Variants in SDK1 observed in about 807,000 individuals in gnomAD.
The protein encoded by SDK1 is sidekick cell adhesion molecule 1, also known as protein sidekick-1.
In SDK1, 157 loss-of-function variants were observed where a neutral mutation model predicts 245.5. The ratio of observed to expected loss-of-function variants is 0.64; its 90% CI spans 0.56 to 0.73. The LOEUF is 0.73. Ranked by LOEUF, SDK1 falls within the 30% of genes least tolerant of loss-of-function variation. SDK1 has a pLI of 0.00. For synonymous variants in SDK1, 1,647 were observed against 1,278.5 expected, an observed-to-expected ratio of 1.29 and a Z score of -6.15; for missense variants, 3,583 against 3,002.3, an observed-to-expected ratio of 1.19 and a Z score of -4.52.
At chr7:3,993,970 A>G (rs1240501720) in intron 14 of SDK1, among the ~76,000 whole-genome samples, 1 of 152,138 alleles carries the variant, frequency 6.6e-6, no homozygotes, top group South Asian at 2.1e-4. Flanking sequence ...CCTTGTTCCC[A>G]GGACTTGGCT....
intron 13 of SDK1, among the ~76,000 whole-genome samples, chr7:3,986,657 A>G (rs377483457): frequency 4.8e-4 from 73 of 152,254 alleles, no homozygotes; most frequent in East Asian, 7.7e-4. Context: ...TCAGGAGTTC[A>G]AGACCAACCT....
At chr7:3,925,315 GAGGAGAAGCTGCGTAGA>G (rs1779730626) in intron 5 of SDK1, among the ~76,000 whole-genome samples, 1 of 152,210 alleles carries the variant, frequency 6.6e-6, no homozygotes, top group South Asian at 2.1e-4. Flanking sequence ...AAGAAGCGAG[GAGGAGAAGCTGCGTAGA>G]AGCCCTGCCC....
chr7:4,099,061 G>C (rs1485184459), intron 22 of SDK1, among the ~76,000 whole-genome samples: 2 of 151,866 alleles, frequency 1.3e-5, no homozygotes, highest in African/African-American at 4.8e-5. Context: ...AAGCAAATGA[G>C]TGAGCAGGGT....
chr7:3,920,740 G>A (rs1249245899), intron 5 of SDK1, among the ~76,000 whole-genome samples: 1 of 150,690 alleles, frequency 6.6e-6, no homozygotes, highest in African/African-American at 2.5e-5. Flanking sequence ...CCAGGGTAAA[G>A]GGAGACTATG....
At chr7:3,478,096 C>G (rs1157524044) in intron 1 of SDK1, among the ~76,000 whole-genome samples, 1 of 152,096 alleles carries the variant, frequency 6.6e-6, no homozygotes, top group Non-Finnish European at 1.5e-5. Flanking sequence ...CTTTAAATCA[C>G]TGTATCAGTA....
intron 1 of SDK1, among the ~76,000 whole-genome samples, chr7:3,369,184 A>G (rs1391130087): frequency 6.6e-6 from 1 of 152,040 alleles, no homozygotes; most frequent in Non-Finnish European, 1.5e-5. Flanking sequence ...AGCTGGGATT[A>G]CAGGTGTGTG....
intron 17 of SDK1, among the ~76,000 whole-genome samples, chr7:4,028,808 G>T (rs1787563376): frequency 6.6e-6 from 1 of 152,152 alleles, no homozygotes. Flanking sequence ...ACTTGGGATG[G>T]GGTTCATCTC....
Position 4,265,333 on chromosome 7 carries a change from C to G in SDK1, c.6591C>G (p.Pro2197=), listed in dbSNP as rs561562740. Reference sequence around the variant, plus strand: ...AGAGCGCGGGCGGCGTCTACACCCCCGCTGGCCCCGGCGCGCGAACTCCGC... The same window carrying G: ...AGAGCGCGGGCGGCGTCTACACCCCGGCTGGCCCCGGCGCGCGAACTCCGC... The part of the protein sequence containing the change: ...TTQSAGGVYT[P]AGPGARTPLT... Residue 2197 remains proline, a synonymous_variant, in exon 45 of 45, where the codon CCC becomes CCG. Transcript: ENST00000404826. 6.1e-6 allele frequency: 9 copies of G among 1,479,614 alleles called. No individual in the cohort carries two copies. The highest frequency in any genetic ancestry group is 8.0e-6 in the Non-Finnish European group (9 of 1,128,894). 91.7% of individuals were successfully genotyped at this position (1,479,614 alleles called of 1,614,324 possible). A position where few individuals can be genotyped will look rare whatever the true frequency, so the allele number is the denominator to read the frequency against.
At chr7:3,541,415 A>G (rs979643040) in intron 1 of SDK1, among the ~76,000 whole-genome samples, 47 of 152,172 alleles carry the variant, frequency 3.1e-4, no homozygotes, top group African/African-American at 9.2e-4. Context: ...CCATGCCTCT[A>G]TGCCTTTCTC....
chr7:3,795,764 T>C (rs539217897), intron 4 of SDK1, among the ~76,000 whole-genome samples: 3 of 152,324 alleles, frequency 2.0e-5, no homozygotes, highest in East Asian at 3.9e-4. Context: ...TCCCATATTA[T>C]ACAGTTATAC....
Position 4,125,889 on chromosome 7 carries a change from C to G in SDK1, c.3824-1492C>G, listed in dbSNP as rs571007679. 1.4e-4 allele frequency among the ~76,000 whole-genome samples: 21 copies of G among 152,304 alleles called. No individual in the cohort carries two copies. The South Asian group carries it at 3.9e-3, about 29-fold the overall frequency. ...GCTTAGCCTTTCACAAGTGGGACAA[C>G]TGAGGCACAGGTGATCAGAGCAGCA... On this transcript the variant is annotated intron_variant, in intron 25 of 44. Transcript: ENST00000404826.
rs200034994 is a variant in SDK1, at chr7:3,687,056, A to AACACACACACACACACACACACACACAC, written c.713+44968_713+44995dup. ...CCAAACTGGGTTGGGATAGCATCAAAACACACACACACACACACACACACA... is the reference window on the plus strand; with the variant it reads ...CCAAACTGGGTTGGGATAGCATCAAAACACACACACACACACACACACACACACACACACACACACACACACACACACA... On this transcript the variant is annotated intron_variant, in intron 4 of 44. Coordinates refer to ENST00000404826, the MANE Select transcript of SDK1 (RefSeq NM_152744.4). Among the ~76,000 whole-genome samples the AACACACACACACACACACACACACACAC allele has an allele frequency of 3.1e-3, 415 of 135,194 alleles. 7 individuals are homozygous for AACACACACACACACACACACACACACAC. Among genetic ancestry groups the AACACACACACACACACACACACACACAC allele is most frequent in the African/African-American group, 0.01 (355 of 34,034 alleles). The allele number at this position is 135,194 out of a possible 152,430, so 88.7% of individuals were successfully genotyped here.
At chr7:3,717,355 T>A in intron 4 of SDK1, among the ~76,000 whole-genome samples, 1 of 152,078 alleles carries the variant, frequency 6.6e-6, no homozygotes, top group Non-Finnish European at 1.5e-5. Flanking sequence ...TCAAAGAAAG[T>A]ATCTTAAAGG....
intron 4 of SDK1, among the ~76,000 whole-genome samples, chr7:3,694,936 G>C (rs954926578): frequency 2.0e-5 from 3 of 152,156 alleles, no homozygotes; most frequent in African/African-American, 7.2e-5. Context: ...TTTCTGTTCT[G>C]TAGAATTTCT....
intron 1 of SDK1, among the ~76,000 whole-genome samples, chr7:3,595,788 A>T (rs57473088): frequency 7.9e-6 from 1 of 126,864 alleles, no homozygotes; most frequent in African/African-American, 3.0e-5. Flanking sequence ...AGATAGTGCC[A>T]CTGCACTCCA....
chr7:3,881,084 T>G (rs1480489485), intron 5 of SDK1, among the ~76,000 whole-genome samples: 1 of 152,128 alleles, frequency 6.6e-6, no homozygotes, highest in Non-Finnish European at 1.5e-5. Flanking sequence ...TTTTTAATCT[T>G]TATTTTTCAT....
chr7:3,543,700 A>C (rs1779122118), intron 1 of SDK1, among the ~76,000 whole-genome samples: 2 of 152,356 alleles, frequency 1.3e-5, no homozygotes, highest in South Asian at 4.1e-4. Flanking sequence ...ACGTACTCAT[A>C]GACACAGGCA....
At chr7:3,368,656 T>G (rs925592910) in intron 1 of SDK1, among the ~76,000 whole-genome samples, 11 of 152,170 alleles carry the variant, frequency 7.2e-5, no homozygotes, top group Admixed American at 1.3e-4. Context: ...CCTGGGGATC[T>G]TTATGTGCCC....
At chr7:3,551,106 C>A (rs1779388510) in intron 1 of SDK1, among the ~76,000 whole-genome samples, 1 of 152,116 alleles carries the variant, frequency 6.6e-6, no homozygotes, top group East Asian at 1.9e-4. Context: ...AATTTTAAAA[C>A]ATTTTTCGTT....
Sources: gnomAD v4.1 joint callset for allele counts (sites outside exome capture counted in the v4.1 genomes callset) on GRCh38, gnomAD v4.1.1 for gene constraint, MANE v1.5 for transcripts, NCBI Gene and HGNC (gene_info 2026-07-23, HGNC 2026-07-21) for gene names.